The following INSR variants were observed in gnomAD, a reference collection of about 807,000 sequenced individuals.
INSR encodes the protein insulin receptor.
In INSR, 67 loss-of-function variants were observed where a neutral mutation model predicts 142.6. The ratio of observed to expected loss-of-function variants is 0.47; its 90% CI spans 0.39 to 0.58. The LOEUF (loss-of-function observed/expected upper bound fraction) is 0.58. INSR is among the 20% of genes least tolerant of loss of function. The pLI, the probability that INSR is intolerant of heterozygous loss-of-function variation, is 0.00. For synonymous variants in INSR, 756 were observed against 743.1 expected (o/e 1.02, Z -0.28); for missense variants, 1,248 against 1,833.2 (o/e 0.68, Z 5.83).
At position 7,239,913 on chromosome 19, in the gene INSR, T is replaced by C. The variant is rs185963644; in HGVS notation, c.652+27432A>G. On this transcript the variant is annotated intron_variant, in intron 2 of 21. Transcript: ENST00000302850. ...ACAAAAATATCATATGTGTGCATGG[T>C]GAGGAAGATCGCAGAGTTTTTTGTT... 3.7e-3 allele frequency among the ~76,000 whole-genome samples: 560 copies of C among 152,268 alleles called. 3 individuals carry two copies. Among genetic ancestry groups the C allele is most frequent in the Non-Finnish European group, 6.1e-3 (413 of 68,016 alleles).
intron 9 of INSR, among the ~76,000 whole-genome samples, chr19:7,156,944 A>T (rs971087202): frequency 1.3e-5 from 2 of 151,264 alleles, no homozygotes; most frequent in Non-Finnish European, 2.9e-5. Flanking sequence ...GGCATGCACC[A>T]TCACACCTGG....
At chr19:7,131,897 C>A (rs1004693799) in intron 14 of INSR, among the ~76,000 whole-genome samples, 6 of 151,210 alleles carry the variant, frequency 4.0e-5, no homozygotes, top group Non-Finnish European at 7.4e-5. Context: ...TACTGTGAGG[C>A]TGAGGTGGGA....
At chr19:7,158,455 C>A (rs1057066564) in intron 9 of INSR, among the ~76,000 whole-genome samples, 3 of 152,082 alleles carry the variant, frequency 2.0e-5, no homozygotes, top group Non-Finnish European at 4.4e-5. Context: ...GAGCCGAGAT[C>A]ACGCCACTGA....
In INSR at chr19:7,237,827, T is replaced by TAAATA. The variant is rs1555684988; in HGVS notation, c.652+29513_652+29517dup. ...CGAGACTCCATCTCAAAAAAATAAA[T>TAAATA]AAATAAAATTAAATTAAATTAAATT... is the stretch of plus-strand genomic sequence containing the variant. On this transcript the variant is annotated intron_variant, in intron 2 of 21. Transcript: ENST00000302850. Among the ~76,000 whole-genome samples, 9 of 145,546 alleles carry TAAATA rather than the reference T, an allele frequency of 6.2e-5. No individual in the cohort carries two copies. The East Asian group carries it at 1.4e-3, about 22-fold the overall frequency.
rs758274960 is a variant in INSR at position 7,128,925 on chromosome 19, T to C, written c.2872A>G (p.Ile958Val). The C allele has an allele frequency of 1.4e-5, 22 of 1,613,710 alleles. No individual in the cohort carries two copies. The highest frequency in any genetic ancestry group is 1.9e-5 in the Non-Finnish European group (22 of 1,179,706). Residue 958 changes from isoleucine (I) to valine (V), a missense_variant, in exon 15 of 22, where the codon ATC becomes GTC. Physicochemically the swap from Ile to Val is conservative, Grantham distance 29 (BLOSUM62 3). This residue lies in a region of INSR where 1,069 missense variants were observed against 1,654.0 expected (regional missense o/e 0.65). Transcript: ENST00000302850. ...LDVPSNIAKIIIGPLIFVFLF... is the reference protein window; with the variant it reads ...LDVPSNIAKIVIGPLIFVFLF... The stretch of plus-strand genomic sequence containing the variant: ...AAGACAAAGATGAGGGGGCCGATGA[T>C]AATTTTTGCAATATTTGACGGGACG...
chr19:7,217,861 CTTT>C (rs1336368656), intron 2 of INSR, among the ~76,000 whole-genome samples: 1 of 152,154 alleles, frequency 6.6e-6, no homozygotes, highest in Non-Finnish European at 1.5e-5. Flanking sequence ...ACCCGGCCTT[CTTT>C]TTTTTCTTTT....
chr19:7,222,196 G>A (rs139085889), intron 2 of INSR, among the ~76,000 whole-genome samples: 1,646 of 150,370 alleles, frequency 0.011, 14 homozygotes, highest in Middle Eastern at 0.039. Context: ...GAAGGAAAGA[G>A]GGCGACAGAG....
At chr19:7,213,111 C>T (rs1289856056) in intron 2 of INSR, among the ~76,000 whole-genome samples, 2 of 151,580 alleles carry the variant, frequency 1.3e-5, no homozygotes, top group South Asian at 2.1e-4. Context: ...TTTGGGAGGC[C>T]GAAGTGGGCG....
rs4804069 is a variant in INSR, at chr19:7,121,055, T to C, written c.3530-306A>G. Reference sequence around the variant, plus strand: ...CTCTGTCCTCCAGGCTGGAGTGCAGTGGTGCAATCTTGGCTCACTGCAACC... The same window carrying C: ...CTCTGTCCTCCAGGCTGGAGTGCAGCGGTGCAATCTTGGCTCACTGCAACC... On this transcript the variant is annotated intron_variant, in intron 19 of 21. Transcript: ENST00000302850. Among the ~76,000 whole-genome samples the C allele has an allele frequency of 0.23, 34,831 of 151,930 alleles. 4,161 individuals carry two copies. Among genetic ancestry groups the C allele is most frequent in the African/African-American group, 0.26 (10,912 of 41,408 alleles).
chr19:7,163,051 C>T lies in INSR; in HGVS notation c.2010G>A (p.Glu670=), dbSNP rs2144929326. The change falls in exon 9 of 22, where the codon GAG becomes GAA. Residue 670 remains glutamate (E), a synonymous_variant. Coordinates refer to ENST00000302850, the MANE Select transcript of INSR (RefSeq NM_000208.4). ...ACTCACCTTTGAGGCAATAATCCAG[C>T]TCGAACAGCTCACTGTCTTCCGCCT... ...ERQAEDSELF[E]LDYCLKGLKL... The T allele has an allele frequency of 6.2e-7, 1 of 1,613,670 alleles. No individual in the cohort carries two copies. The highest frequency in any genetic ancestry group is 1.1e-5 in the South Asian group (1 of 91,052).
At chr19:7,142,570 C>T (rs944660989) in intron 12 of INSR, among the ~76,000 whole-genome samples, 1 of 151,200 alleles carries the variant, frequency 6.6e-6, no homozygotes, top group Non-Finnish European at 1.5e-5. Flanking sequence ...TGGCAGACAC[C>T]TGTAGTCCCA....
intron 16 of INSR, 87 bp downstream of exon 16, chr19:7,126,497 C>G: frequency 1.6e-6 from 2 of 1,230,752 alleles, no homozygotes; most frequent in Non-Finnish European, 2.3e-6. Context: ...CCCTGGGGAA[C>G]CCATCCTTCA....
intron 2 of INSR, among the ~76,000 whole-genome samples, chr19:7,196,012 T>C (rs1194016803): frequency 1.3e-5 from 2 of 151,238 alleles, no homozygotes; most frequent in Non-Finnish European, 2.9e-5. Context: ...CTCGGCTCAC[T>C]GCAACCTCTG....
intron 2 of INSR, among the ~76,000 whole-genome samples, chr19:7,229,225 TGGTG>T (rs767049828): frequency 1.2e-4 from 9 of 75,748 alleles, no homozygotes; most frequent in African/African-American, 2.9e-4. Context: ...GGATAATAGA[TGGTG>T]GGTGGTGAAT....
chr19:7,217,236 C>A (rs1330796778), intron 2 of INSR, among the ~76,000 whole-genome samples: 2 of 152,118 alleles, frequency 1.3e-5, no homozygotes, highest in African/African-American at 4.8e-5. Flanking sequence ...CAGAGAGAAT[C>A]CAGCTTTTAA....
intron 2 of INSR, among the ~76,000 whole-genome samples, chr19:7,264,227 G>A (rs1286948336): frequency 6.6e-6 from 1 of 151,742 alleles, no homozygotes; most frequent in African/African-American, 2.4e-5. Context: ...CAGCTACTTG[G>A]GAGGCTGAGG....
intron 11 of INSR, among the ~76,000 whole-genome samples, chr19:7,149,351 C>T (rs1233181781): frequency 6.6e-6 from 1 of 152,134 alleles, no homozygotes; most frequent in African/African-American, 2.4e-5. Flanking sequence ...TAAATAAACA[C>T]TCTGCTAAAG....
intron 3 of INSR, among the ~76,000 whole-genome samples, chr19:7,176,838 A>G (rs879102981): frequency 1.3e-5 from 2 of 152,136 alleles, no homozygotes. Context: ...AAATGGACTA[A>G]TGCATGTGGT....
At chr19:7,221,510 C>A (rs1468699478) in intron 2 of INSR, among the ~76,000 whole-genome samples, 3 of 152,100 alleles carry the variant, frequency 2.0e-5, no homozygotes, top group Non-Finnish European at 2.9e-5. Context: ...GAGTTCGAGA[C>A]CAGCCTGGCC....
Sources: allele counts gnomAD v4.1 joint callset (sites outside exome capture counted in the v4.1 genomes callset), GRCh38; gene constraint gnomAD v4.1.1; regional missense constraint gnomAD v4.1.1; transcripts MANE v1.5; gene names NCBI Gene and HGNC (gene_info 2026-07-23, HGNC 2026-07-21).